The following ADA variants were observed in gnomAD, a reference collection of about 807,000 sequenced individuals.
The protein encoded by ADA is adenosine deaminase.
In ADA, 45 loss-of-function variants were observed where a neutral mutation model predicts 49.0. The observed-to-expected ratio is 0.92, with a 90% CI of 0.72 to 1.18. The LOEUF (loss-of-function observed/expected upper bound fraction) is 1.18, where lower values mean the gene tolerates loss of function less well. Among genes scored for constraint, ADA ranks in the 50% most tolerant of loss-of-function variants. The pLI is 0.00. For missense variants in ADA, 445 were observed against 472.5 expected (o/e 0.94, Z 0.54); for synonymous variants, 173 against 184.2 (o/e 0.94, Z 0.49).
intron 1 of ADA, among the ~76,000 whole-genome samples, chr20:44,639,130 A>G (rs1481836964): frequency 2.0e-5 from 3 of 152,184 alleles, no homozygotes; most frequent in Admixed American, 1.3e-4. Context: ...GGTTAGAGAA[A>G]GAGGATGGCT....
In ADA at chr20:44,624,260, G is replaced by C; in HGVS notation, c.548C>G (p.Ala183Gly). 6.2e-7 allele frequency: 1 copy of C among 1,613,998 alleles called. No homozygotes were observed. ...QQQTVVAIDL[A>G]GDETIPGSSL... ...GCTTCCTGGGATGGTCTCATCTCCA[G>C]CCAGGTCAATGGCTACCACGGTCTG... The change falls in exon 6 of 12, where the codon GCT (alanine) becomes GGT (glycine). Residue 183 changes from alanine to glycine, a missense_variant. By Grantham distance (60) the Ala-to-Gly change is moderately conservative. Coordinates refer to ENST00000372874, the MANE Select transcript of ADA (RefSeq NM_000022.4).
chr20:44,650,514 A>G (rs912912), intron 1 of ADA, among the ~76,000 whole-genome samples: 2,003 of 151,974 alleles, frequency 0.013, 39 homozygotes, highest in African/African-American at 0.046. Context: ...TGCAGCCTCA[A>G]CCTCCTGGGC....
At chr20:44,629,297 C>T (rs968990385) in intron 2 of ADA, 128 bp from the exon 3 acceptor site, 1 of 1,365,322 alleles carries the variant, frequency 7.3e-7, no homozygotes, top group Non-Finnish European at 1.0e-6. Flanking sequence ...ATGGGCGTCT[C>T]TCAGTCCAGC....
At chr20:44,625,510 C>A in intron 5 of ADA, 59 bp downstream of exon 5, 3 of 1,471,006 alleles carry the variant, frequency 2.0e-6, no homozygotes, top group Middle Eastern at 2.4e-4. Context: ...ACTGCTAGGC[C>A]AGGAGGTCAG....
At chr20:44,650,393 GTCA>G (rs1420033388) in intron 1 of ADA, among the ~76,000 whole-genome samples, 1 of 152,160 alleles carries the variant, frequency 6.6e-6, no homozygotes, top group Non-Finnish European at 1.5e-5. Context: ...TGTGATAGCT[GTCA>G]TCATCATTCA....
At chr20:44,626,325 C>A in intron 4 of ADA, 131 bp downstream of exon 4, 6 of 1,297,624 alleles carry the variant, frequency 4.6e-6, no homozygotes, top group Non-Finnish European at 6.5e-6. Flanking sequence ...TTTCTGAGGC[C>A]ATGGACCAGA....
At chr20:44,637,758 CAG>C (rs1254693304) in intron 1 of ADA, among the ~76,000 whole-genome samples, 1 of 152,178 alleles carries the variant, frequency 6.6e-6, no homozygotes, top group African/African-American at 2.4e-5. Context: ...AGCAGGACCT[CAG>C]AGTCATCAGA....
intron 2 of ADA, 66 bp downstream of exon 2, chr20:44,636,161 C>T (rs1253388814): frequency 2.2e-6 from 3 of 1,393,850 alleles, no homozygotes; most frequent in African/African-American, 2.8e-5. Flanking sequence ...TCCCCAGGGG[C>T]CTCTGGGTGG....
At chr20:44,651,499 C>G (rs2065645392) in intron 1 of ADA, 76 bp downstream of exon 1, 2 of 1,431,460 alleles carry the variant, frequency 1.4e-6, no homozygotes, top group Non-Finnish European at 1.9e-6. Context: ...TTGGACGCCC[C>G]GGGCTGGGCC....
intron 1 of ADA, among the ~76,000 whole-genome samples, chr20:44,642,200 C>A (rs778533639): frequency 5.3e-5 from 8 of 152,188 alleles, no homozygotes; most frequent in Non-Finnish European, 1.2e-4. Context: ...GGAGCCGAAA[C>A]CTCACTGGAG....
intron 3 of ADA, among the ~76,000 whole-genome samples, chr20:44,628,612 C>A (rs2065404546): frequency 6.6e-6 from 1 of 152,064 alleles, no homozygotes; most frequent in Non-Finnish European, 1.5e-5. Context: ...CCTTCTGGGC[C>A]TTTTCGGTAC....
chr20:44,619,954 G>C (rs1600914541), intron 11 of ADA, 107 bp from the exon 12 acceptor site: 1 of 1,417,748 alleles, frequency 7.1e-7, no homozygotes, highest in South Asian at 1.2e-5. Context: ...TCCTATGATG[G>C]CAAGAAGATG....
chr20:44,642,988 C>T (rs1468339804), intron 1 of ADA, among the ~76,000 whole-genome samples: 3 of 152,060 alleles, frequency 2.0e-5, no homozygotes, highest in African/African-American at 4.8e-5. Flanking sequence ...GAGGCCCAGA[C>T]GCGTTTCAGG....
At chr20:44,642,562 CAG>C (rs1004622359) in intron 1 of ADA, among the ~76,000 whole-genome samples, 3 of 152,012 alleles carry the variant, frequency 2.0e-5, no homozygotes, top group African/African-American at 7.3e-5. Context: ...GGCCAGAGTG[CAG>C]AGTGAGGTTA....
At chr20:44,645,392 C>T (rs1438358649) in intron 1 of ADA, among the ~76,000 whole-genome samples, 2 of 150,114 alleles carry the variant, frequency 1.3e-5, no homozygotes, top group African/African-American at 4.9e-5. Context: ...ACTGAAGTCA[C>T]CTGGTACCCA....
intron 3 of ADA, among the ~76,000 whole-genome samples, chr20:44,628,530 AATAAAT>A (rs1224076375): frequency 4.3e-5 from 4 of 92,832 alleles, no homozygotes; most frequent in Non-Finnish European, 8.3e-5. Flanking sequence ...TGTCTCAATA[AATAAAT>A]AAATAAATAA....
rs2065325676 is a variant in ADA at position 44,621,006 on chromosome 20, A to C, written c.975+12T>G. On this transcript the variant is annotated intron_variant, in intron 10 of 11. Transcript: ENST00000372874. ...ACCCGAGTCAAGGCCAGTATGGCTC[A>C]CACCCACTCACCAGCCTTTTAAACT... 6.2e-7 allele frequency: 1 copy of C among 1,613,720 alleles called. No homozygotes were observed. The highest frequency in any genetic ancestry group is 8.5e-7 in the Non-Finnish European group (1 of 1,179,980).
intron 5 of ADA, among the ~76,000 whole-genome samples, chr20:44,624,759 T>C (rs889270689): frequency 6.6e-6 from 1 of 152,254 alleles, no homozygotes; most frequent in South Asian, 2.1e-4. Context: ...TTGGGAAGTA[T>C]CTCGCTAATG....
At chr20:44,634,633 T>A (rs1399349724) in intron 2 of ADA, among the ~76,000 whole-genome samples, 1 of 152,172 alleles carries the variant, frequency 6.6e-6, no homozygotes, top group African/African-American at 2.4e-5. Flanking sequence ...ACACAGGAGG[T>A]GCTACTGTGC....
Sources: gnomAD v4.1 joint callset for allele counts (sites outside exome capture counted in the v4.1 genomes callset) on GRCh38, gnomAD v4.1.1 for gene constraint, MANE v1.5 for transcripts, NCBI Gene and HGNC (gene_info 2026-07-23, HGNC 2026-07-21) for gene names.